MXI1: variants seen among roughly 807,000 people sequenced by gnomAD.
The protein encoded by MXI1 is MAX interactor 1, dimerization protein.
In MXI1, 18 loss-of-function variants were observed where a neutral mutation model predicts 36.9. That is an observed-to-expected ratio of 0.49 (90% confidence interval 0.34 to 0.72). MXI1 has a LOEUF of 0.72. MXI1 is among the 30% of genes least tolerant of loss of function. The pLI, the probability that MXI1 is intolerant of heterozygous loss-of-function variation, is 0.01. For missense variants in MXI1, 304 were observed against 379.1 expected (o/e 0.80, Z 1.64); for synonymous variants, 160 against 146.7 (o/e 1.09, Z -0.65).
At chr10:110,273,935 T>G (rs1223769448) in intron 3 of MXI1, among the ~76,000 whole-genome samples, 2 of 152,200 alleles carry the variant, frequency 1.3e-5, no homozygotes, top group African/African-American at 4.8e-5. Context: ...GAAAGACTAC[T>G]TGAAAAACAT....
intron 1 of MXI1, among the ~76,000 whole-genome samples, chr10:110,225,253 G>A (rs1163065822): frequency 1.3e-5 from 2 of 152,184 alleles, no homozygotes; most frequent in African/African-American, 2.4e-5. Flanking sequence ...GGCTGGAAGA[G>A]TTCACACAGG....
rs1358628434 is a variant in MXI1, at chr10:110,207,773, C to T, written c.-36C>T. 3 of 1,129,542 alleles carry T rather than the reference C, an allele frequency of 2.7e-6. No individual in the cohort carries two copies. The highest frequency in any genetic ancestry group is 5.0e-5 in the Admixed American group (1 of 19,822). The allele number at this position is 1,129,542 out of a possible 1,614,324, so 70.0% of individuals were successfully genotyped here. A position where few individuals can be genotyped will look rare whatever the true frequency, so the allele number is the denominator to read the frequency against. On this transcript the variant is annotated 5_prime_UTR_variant, in exon 1 of 6. Coordinates refer to ENST00000332674, the MANE Select transcript of MXI1 (RefSeq NM_130439.3). ...GGAGCTCGGCCGGGCCGCGCAGCCCCGTTAGAGGACGAGCTCGGCGGACCC... is the reference window on the plus strand; with the variant it reads ...GGAGCTCGGCCGGGCCGCGCAGCCCTGTTAGAGGACGAGCTCGGCGGACCC...
chr10:110,214,751 A>G lies in MXI1; in HGVS notation c.274+6669A>G, dbSNP rs532952620. Among the ~76,000 whole-genome samples the G allele has an allele frequency of 1.3e-4, 20 of 151,574 alleles. 1 individual carries two copies. The highest frequency in any genetic ancestry group is 4.8e-4 in the African/African-American group (20 of 41,304). On this transcript the variant is annotated intron_variant, in intron 1 of 5. Transcript: ENST00000332674. ...GCTTGGTCTTCACTTAGATACCACC[A>G]GTATGTCAGGCCTGACACACCTAAC...
intron 3 of MXI1, chr10:110,245,906 A>G (rs1313899431): frequency 1.3e-5 from 2 of 152,164 alleles, no homozygotes; most frequent in Non-Finnish European, 2.9e-5. Context: ...TTAGTTAGCT[A>G]TGGATAGTTG....
intron 5 of MXI1, among the ~76,000 whole-genome samples, chr10:110,280,970 T>C (rs1020534966): frequency 2.0e-5 from 3 of 152,216 alleles, no homozygotes; most frequent in African/African-American, 7.2e-5. Context: ...AGGTGAACAC[T>C]GGTGATTTGA....
chr10:110,235,578 C>T (rs1855429471), intron 2 of MXI1, among the ~76,000 whole-genome samples: 1 of 151,412 alleles, frequency 6.6e-6, no homozygotes, highest in Admixed American at 6.6e-5. Context: ...GTCCCAGCTA[C>T]TCGGGAGGCT....
chr10:110,275,512 G>C (rs1042016603), intron 3 of MXI1, among the ~76,000 whole-genome samples: 1 of 152,182 alleles, frequency 6.6e-6, no homozygotes, highest in African/African-American at 2.4e-5. Flanking sequence ...CTTAGACACT[G>C]AGGAGAATCG....
At chr10:110,280,987 AC>A (rs1353585949) in intron 5 of MXI1, among the ~76,000 whole-genome samples, 1 of 152,234 alleles carries the variant, frequency 6.6e-6, no homozygotes, top group Non-Finnish European at 1.5e-5. Context: ...TTGAAGTCTT[AC>A]ATTTGGAGAA....
At chr10:110,236,114 G>A (rs773328080) in intron 2 of MXI1, among the ~76,000 whole-genome samples, 10 of 130,154 alleles carry the variant, frequency 7.7e-5, no homozygotes, top group Non-Finnish European at 1.6e-4. Flanking sequence ...GTGAAGTAAA[G>A]GTTGAAGTTC....
intron 5 of MXI1, among the ~76,000 whole-genome samples, chr10:110,282,881 G>A (rs970151686): frequency 1.3e-5 from 2 of 152,078 alleles, no homozygotes; most frequent in Non-Finnish European, 2.9e-5. Context: ...GATGGGCCTT[G>A]TTGCCCAAGT....
In MXI1 at chr10:110,231,064, G is replaced by A. The variant is rs140160825; in HGVS notation, c.407+2743G>A. Among the ~76,000 whole-genome samples the A allele has an allele frequency of 2.2e-3, 330 of 152,220 alleles. 12 individuals are homozygous for A. In the East Asian group the frequency reaches 0.047, roughly 22 times the overall value. On this transcript the variant is annotated intron_variant, in intron 2 of 5. Coordinates refer to ENST00000332674, the MANE Select transcript of MXI1 (RefSeq NM_130439.3). ...GATATTCTCAGGTATTATATGATAT[G>A]CCTGATAAAATGTTACTTTAGGCAG...
rs1854400665 is a variant in MXI1 at position 110,207,854 on chromosome 10, G to A, written c.46G>A (p.Ala16Thr). The A allele has an allele frequency of 8.6e-7, 1 of 1,161,156 alleles. No homozygotes were observed. The highest frequency in any genetic ancestry group is 1.1e-6 in the Non-Finnish European group (1 of 942,696). 71.9% of individuals were successfully genotyped at this position (1,161,156 alleles called of 1,614,324 possible). The change falls in exon 1 of 6, where the codon GCG (alanine) becomes ACG (threonine). Residue 16 changes from alanine (A) to threonine (T), a missense_variant. This residue lies in a region of MXI1 where 179 missense variants were observed against 184.8 expected (regional missense o/e 0.97). Transcript: ENST00000332674. The part of the protein sequence containing the change: ...RPRKEARCEG[A>T]GLAPAAPPAV... Reference sequence around the variant, plus strand: ...GCGCAAGGAGGCGCGCTGCGAGGGCGCGGGGCTGGCCCCCGCCGCGCCCCC... The same window carrying A: ...GCGCAAGGAGGCGCGCTGCGAGGGCACGGGGCTGGCCCCCGCCGCGCCCCC...
At chr10:110,281,715 G>A (rs565150315) in intron 5 of MXI1, among the ~76,000 whole-genome samples, 29 of 152,200 alleles carry the variant, frequency 1.9e-4, no homozygotes, top group Middle Eastern at 3.4e-3. Context: ...GATTTGGCTG[G>A]TTGAATCCTC....
At chr10:110,244,926 T>A in intron 3 of MXI1, 69 bp downstream of exon 3, 1 of 1,489,118 alleles carries the variant, frequency 6.7e-7, no homozygotes. Context: ...CCTGTGAAAA[T>A]AATGTAATAG....
intron 3 of MXI1, among the ~76,000 whole-genome samples, chr10:110,278,178 A>T (rs1429515295): frequency 2.0e-5 from 3 of 152,164 alleles, no homozygotes; most frequent in Non-Finnish European, 4.4e-5. Context: ...GTGGACTAGT[A>T]TTGTTTTAGG....
chr10:110,237,375 T>C (rs967368851), intron 2 of MXI1, among the ~76,000 whole-genome samples: 4 of 152,220 alleles, frequency 2.6e-5, no homozygotes, highest in Non-Finnish European at 5.9e-5. Context: ...TTCCCTTATT[T>C]GCTAAGAGTT....
chr10:110,225,240 TG>T (rs1181488860), intron 1 of MXI1, among the ~76,000 whole-genome samples: 2 of 152,000 alleles, frequency 1.3e-5, no homozygotes, highest in Non-Finnish European at 2.9e-5. Context: ...ATAAGGAAAA[TG>T]AGGCTGGAAG....
intron 2 of MXI1, among the ~76,000 whole-genome samples, chr10:110,232,607 T>C (rs1418760390): frequency 6.6e-6 from 1 of 152,220 alleles, no homozygotes; most frequent in Non-Finnish European, 1.5e-5. Flanking sequence ...GAGTCTCTTC[T>C]GCTTAAACAT....
intron 3 of MXI1, among the ~76,000 whole-genome samples, chr10:110,271,562 C>T (rs1038500883): frequency 5.9e-5 from 9 of 152,096 alleles, no homozygotes; most frequent in African/African-American, 1.9e-4. Flanking sequence ...GTTAGATGCC[C>T]ACCAGGTGGA....
Sources: allele counts gnomAD v4.1 joint callset (sites outside exome capture counted in the v4.1 genomes callset), GRCh38; gene constraint gnomAD v4.1.1; regional missense constraint gnomAD v4.1.1; transcripts MANE v1.5; gene names NCBI Gene and HGNC (gene_info 2026-07-23, HGNC 2026-07-21).